The following LIN28B variants were observed in gnomAD, a reference collection of about 807,000 sequenced individuals.
LIN28B encodes lin-28 RNA binding posttranscriptional regulator B, also known as protein lin-28 homolog B.
LIN28B carries 5 observed loss-of-function variants against 21.9 expected under a neutral mutation model. The ratio of observed to expected loss-of-function variants is 0.23; its 90% CI spans 0.12 to 0.48. The LOEUF is 0.48. Ranked by LOEUF, LIN28B falls within the 20% of genes least tolerant of loss-of-function variation. The pLI, the probability that LIN28B is intolerant of heterozygous loss-of-function variation, is 0.98. For missense variants in LIN28B, 245 were observed against 310.5 expected (o/e 0.79, Z 1.58); for synonymous variants, 109 against 111.3 (o/e 0.98, Z 0.13).
chr6:105,041,999 G>A (rs1275488639), intron 3 of LIN28B, among the ~76,000 whole-genome samples: 1 of 152,120 alleles, frequency 6.6e-6, no homozygotes, highest in African/African-American at 2.4e-5. Flanking sequence ...AGTGCCAAGA[G>A]GGATAGAATT....
In LIN28B at chr6:104,940,359, G is replaced by GCTTCC. The variant is rs1778065126; in HGVS notation, c.18+3246_18+3250dup. ...TCGCACCCTAGGGACCGCCATGTGA[G>GCTTCC]CTTCCCTCCCAGACTGACGCTGCGC... is the stretch of plus-strand genomic sequence containing the variant. On this transcript the variant is annotated intron_variant, in intron 2 of 5. Transcript: ENST00000635857. 1.9e-5 allele frequency: 3 copies of GCTTCC among 156,072 alleles called. No individual in the cohort carries two copies. The Admixed American group carries it at 2.0e-4, about 10-fold the overall frequency. 9.7% of individuals were successfully genotyped at this position (156,072 alleles called of 1,614,324 possible).
intron 2 of LIN28B, chr6:104,940,652 C>T (rs899503713): frequency 2.7e-5 from 4 of 150,590 alleles, no homozygotes; most frequent in Admixed American, 6.6e-5. Flanking sequence ...ACGCAGGGCT[C>T]CAGTCGAACC....
chr6:105,072,088 CTGTGTGTG>C (rs3035164), intron 3 of LIN28B, among the ~76,000 whole-genome samples: 2 of 148,850 alleles, frequency 1.3e-5, no homozygotes, highest in African/African-American at 2.5e-5. Flanking sequence ...TCTTTTGTGT[CTGTGTGTG>C]TGTGTGTGTG....
At chr6:105,058,183 C>T in intron 3 of LIN28B, 1 of 282,546 alleles carries the variant, frequency 3.5e-6, no homozygotes, top group Non-Finnish European at 7.0e-6. Context: ...AAAAGAAATT[C>T]TCAGCTTGAG....
intron 2 of LIN28B, among the ~76,000 whole-genome samples, chr6:105,014,463 G>A (rs1280093514): frequency 6.6e-6 from 1 of 152,140 alleles, no homozygotes; most frequent in Non-Finnish European, 1.5e-5. Context: ...GGGATTACAG[G>A]CACCCACCAC....
At chr6:104,995,266 T>C (rs1770575211) in intron 2 of LIN28B, among the ~76,000 whole-genome samples, 1 of 152,030 alleles carries the variant, frequency 6.6e-6, no homozygotes. Flanking sequence ...ACATTAGAGA[T>C]TTAAGGAGAG....
chr6:105,070,264 C>G (rs775863131), intron 3 of LIN28B, among the ~76,000 whole-genome samples: 2 of 152,144 alleles, frequency 1.3e-5, no homozygotes, highest in African/African-American at 2.4e-5. Flanking sequence ...TTTTTGAAAG[C>G]TTTCAAAATG....
At chr6:104,950,391 C>T in intron 2 of LIN28B, 3 of 800,102 alleles carry the variant, frequency 3.7e-6, no homozygotes, top group Non-Finnish European at 5.1e-6. Context: ...TTTCTAATGG[C>T]CATTAGGATG....
chr6:105,059,999 G>C (rs926895501), intron 3 of LIN28B, among the ~76,000 whole-genome samples: 7 of 151,642 alleles, frequency 4.6e-5, no homozygotes, highest in Non-Finnish European at 1.0e-4. Flanking sequence ...CGCCTCCCAG[G>C]TTCAAGCGAT....
chr6:105,035,431 GGTCT>G (rs1771503279), intron 3 of LIN28B, among the ~76,000 whole-genome samples: 1 of 152,032 alleles, frequency 6.6e-6, no homozygotes, highest in African/African-American at 2.4e-5. Context: ...GATCCTTTGA[GGTCT>G]GTCTATTCTG....
intron 2 of LIN28B, among the ~76,000 whole-genome samples, chr6:104,945,194 G>A (rs1041655498): frequency 2.0e-5 from 3 of 151,908 alleles, no homozygotes; most frequent in Non-Finnish European, 1.5e-5. Context: ...GTTATCTTTT[G>A]TATTAGTCTG....
chr6:105,029,431 T>TAA, intron 3 of LIN28B, among the ~76,000 whole-genome samples: 1 of 152,136 alleles, frequency 6.6e-6, no homozygotes, highest in Middle Eastern at 3.2e-3. Context: ...GGTTCATTCT[T>TAA]ACAAACCTGG....
At chr6:105,029,098 AAG>A (rs1771362947) in intron 3 of LIN28B, among the ~76,000 whole-genome samples, 1 of 152,216 alleles carries the variant, frequency 6.6e-6, no homozygotes, top group Non-Finnish European at 1.5e-5. Context: ...TGAGGTTGAC[AAG>A]AACGGGCTGA....
intron 2 of LIN28B, among the ~76,000 whole-genome samples, chr6:105,025,044 A>G (rs2114338359): frequency 6.6e-6 from 1 of 152,314 alleles, no homozygotes; most frequent in African/African-American, 2.4e-5. Context: ...GTGTTTTACA[A>G]ACTTACTTGA....
rs182388890 is a variant in LIN28B, at chr6:105,045,373, G to A, written c.383+18891G>A. On this transcript the variant is annotated intron_variant, in intron 3 of 3. Coordinates refer to ENST00000345080, the MANE Select transcript of LIN28B (RefSeq NM_001004317.4). ...ACTATATTGGCTCACTGCAACCTCT[G>A]CCTCCCGGGTTCAAGCAATTCTCCT... Among the ~76,000 whole-genome samples the A allele has an allele frequency of 7.5e-4, 107 of 142,080 alleles. 1 individual carries two copies. The highest frequency in any genetic ancestry group is 2.7e-3 in the African/African-American group (102 of 37,294). 93.2% of individuals were successfully genotyped at this position (142,080 alleles called of 152,430 possible). A position where few individuals can be genotyped will look rare whatever the true frequency, so the allele number is the denominator to read the frequency against.
intron 2 of LIN28B, among the ~76,000 whole-genome samples, chr6:104,946,925 A>G (rs568162388): frequency 6.6e-6 from 1 of 152,314 alleles, no homozygotes. Context: ...ATAAGTAATG[A>G]AATAATTTTT....
At chr6:105,018,021 C>G (rs1369317064) in intron 2 of LIN28B, among the ~76,000 whole-genome samples, 1 of 152,154 alleles carries the variant, frequency 6.6e-6, no homozygotes, top group Non-Finnish European at 1.5e-5. Flanking sequence ...GCCTGTAATC[C>G]CAACACTTTG....
rs56230771 is a variant in LIN28B at position 105,063,844 on chromosome 6, AT to A, written c.384-14559del. Among the ~76,000 whole-genome samples the A allele has an allele frequency of 4.1e-5, 6 of 147,598 alleles. 1 individual carries two copies. Among genetic ancestry groups the A allele is most frequent in the South Asian group, 2.1e-4 (1 of 4,676 alleles). ...CAACATAGTGAGACTCAGTCTTAAAATTTTTTTTTTTCAGAATTCTATTTTT... is the reference window on the plus strand; with the variant it reads ...CAACATAGTGAGACTCAGTCTTAAAATTTTTTTTTTCAGAATTCTATTTTT... On this transcript the variant is annotated intron_variant, in intron 3 of 3. Transcript: ENST00000345080.
At chr6:105,015,172 T>A (rs1771002609) in intron 2 of LIN28B, among the ~76,000 whole-genome samples, 1 of 152,152 alleles carries the variant, frequency 6.6e-6, no homozygotes, top group Non-Finnish European at 1.5e-5. Context: ...CTCTTTATAA[T>A]TCTGTCAGTT....
Sources: allele counts gnomAD v4.1 joint callset (sites outside exome capture counted in the v4.1 genomes callset), GRCh38; gene constraint gnomAD v4.1.1; transcripts MANE v1.5; gene names NCBI Gene and HGNC (gene_info 2026-07-23, HGNC 2026-07-21).